TRRAP: variants seen among roughly 807,000 people sequenced by gnomAD.
TRRAP encodes the protein transformation/transcription domain-associated protein.
A neutral mutation model predicts 438.8 loss-of-function variants in TRRAP; 41 were observed. The ratio of observed to expected loss-of-function variants is 0.09; its 90% confidence interval spans 0.07 to 0.12. The LOEUF is 0.12. TRRAP is among the 10% of genes least tolerant of loss of function. The pLI, the probability that TRRAP is intolerant of heterozygous loss-of-function variation, is 1.00. For missense variants in TRRAP, 3,122 were observed against 5,055.1 expected, an observed-to-expected ratio of 0.62 and a Z score of 11.60; for synonymous variants, 1,994 against 1,962.9, an observed-to-expected ratio of 1.02 and a Z score of -0.42.
chr7:98,880,262 G>GTTTGT (rs1795361654), intron 1 of TRRAP, among the ~76,000 whole-genome samples: 2 of 132,110 alleles, frequency 1.5e-5, no homozygotes, highest in African/African-American at 2.9e-5. Context: ...TGTTGTTGTT[G>GTTTGT]TTTTTTTTTT....
chr7:98,897,640 C>A, intron 7 of TRRAP, 101 bp from the exon 8 acceptor site: 1 of 1,435,452 alleles, frequency 7.0e-7, no homozygotes, highest in East Asian at 2.4e-5. Flanking sequence ...TTTTTTCCAC[C>A]AAAGAGTCAA....
intron 6 of TRRAP, among the ~76,000 whole-genome samples, chr7:98,894,294 A>G (rs1796096980): frequency 1.3e-5 from 2 of 152,218 alleles, no homozygotes; most frequent in African/African-American, 4.8e-5. Flanking sequence ...AGTGACAATA[A>G]TCATAGTATG....
chr7:98,883,714 A>G (rs1344603412), intron 3 of TRRAP, among the ~76,000 whole-genome samples: 1 of 152,122 alleles, frequency 6.6e-6, no homozygotes, highest in Non-Finnish European at 1.5e-5. Flanking sequence ...CAGTTTCACC[A>G]TGTTGCCCAG....
rs772549634 is a variant in TRRAP at position 98,959,483 on chromosome 7, T to C, written c.6482T>C (p.Met2161Thr). The C allele has an allele frequency of 1.3e-4, 205 of 1,613,746 alleles. 8 individuals carry two copies. In the South Asian group the frequency reaches 2.0e-3, roughly 16 times the overall value. ...LKLQWFDKLL[M>T]TVEQPNQVNY... ...CTGCAGTGGTTCGACAAGCTGCTGA[T>C]GACTGTGGTGAGTGCGAGTGTCTGA... is the stretch of plus-strand genomic sequence containing the variant. The change falls in exon 45 of 73, where the codon ATG (methionine) becomes ACG (threonine). Residue 2161 changes from methionine to threonine, a missense_variant. Around this residue, in one of 24 missense-constraint regions of TRRAP, gnomAD observed 992 missense variants for 1,281.2 expected, o/e 0.77. Coordinates refer to ENST00000456197, the MANE Select transcript of TRRAP (RefSeq NM_001375524.1).
intron 44 of TRRAP, 86 bp downstream of exon 44, chr7:98,958,177 C>A: frequency 8.4e-7 from 1 of 1,184,100 alleles, no homozygotes; most frequent in South Asian, 1.5e-5. Flanking sequence ...GTGGCAATTT[C>A]ATCAAAAAAG....
At chr7:98,914,172 A>T (rs782657977) in intron 18 of TRRAP, among the ~76,000 whole-genome samples, 1 of 152,098 alleles carries the variant, frequency 6.6e-6, no homozygotes, top group Admixed American at 6.6e-5. Context: ...AGGCAGGAGG[A>T]TTGCTTGAGC....
At chr7:99,009,880 C>CTTTTT (rs138174570) in intron 70 of TRRAP, among the ~76,000 whole-genome samples, 56 of 96,650 alleles carry the variant, frequency 5.8e-4, no homozygotes, top group South Asian at 1.0e-3. Context: ...TCATTCTTCT[C>CTTTTT]TTTTTTTTTT....
intron 18 of TRRAP, among the ~76,000 whole-genome samples, chr7:98,913,367 G>C (rs1263161043): frequency 6.6e-6 from 1 of 151,638 alleles, no homozygotes; most frequent in Non-Finnish European, 1.5e-5. Flanking sequence ...TTGGCTCACT[G>C]CAACCTCTGC....
At position 98,937,803 on chromosome 7, in the gene TRRAP, T is replaced by C. The variant is rs1554414610; in HGVS notation, c.4387T>C (p.Phe1463Leu). The stretch of plus-strand genomic sequence containing the variant: ...CTTCCCAAATTCCTTCAATGATAAA[T>C]TTTGTGATCAGATGATGGTAAGCCA... ...RLFPNSFNDKFCDQMMQHLRK... is the reference protein window; with the variant it reads ...RLFPNSFNDKLCDQMMQHLRK... The change falls in exon 30 of 73, where the codon TTT becomes CTT. Residue 1463 changes from phenylalanine to leucine, a missense_variant. By Grantham distance (22) the Phe-to-Leu change is conservative. Around this residue, in one of 24 missense-constraint regions of TRRAP, gnomAD observed 108 missense variants for 256.9 expected, o/e 0.42. Coordinates refer to ENST00000456197, the MANE Select transcript of TRRAP (RefSeq NM_001375524.1). 3 of 1,612,916 alleles carry C rather than the reference T, an allele frequency of 1.9e-6. No homozygotes were observed.
intron 6 of TRRAP, among the ~76,000 whole-genome samples, chr7:98,894,783 G>GTTTTTTTTTTTTTT (rs56407045): frequency 3.3e-4 from 29 of 87,430 alleles, no homozygotes; most frequent in African/African-American, 1.1e-3. Context: ...CCAGCTAATG[G>GTTTTTTTTTTTTTT]TTTTTTTTTT....
rs1394845886 is a variant in TRRAP at position 98,930,033 on chromosome 7, A to G, written c.3220A>G (p.Thr1074Ala). 6.2e-7 allele frequency: 1 copy of G among 1,614,112 alleles called. No homozygotes were observed. Among genetic ancestry groups the G allele is most frequent in the Non-Finnish European group, 8.5e-7 (1 of 1,180,056 alleles). ...CTACCAGGTGGGCAGCCAGCCCAGC[A>G]CAGCCATGTTTCACAGTGAAGAAAA... ...PCYQVGSQPS[T>A]AMFHSEENGS... is the part of the protein sequence containing the mutation. Residue 1074 changes from threonine (T) to alanine (A), a missense_variant, in exon 24 of 73, where the codon ACA (threonine) becomes GCA (alanine). Physicochemically the swap from Thr to Ala is moderately conservative, Grantham distance 58. This residue lies in a region of TRRAP where 54 missense variants were observed against 74.6 expected (regional missense o/e 0.72). Coordinates refer to ENST00000456197, the MANE Select transcript of TRRAP (RefSeq NM_001375524.1).
At position 98,893,800 on chromosome 7, in the gene TRRAP, G is replaced by A. The variant is rs782049103; in HGVS notation, c.369G>A (p.Thr123=). The A allele has an allele frequency of 7.5e-6, 12 of 1,609,896 alleles. No homozygotes were observed. The South Asian group carries it at 7.8e-5, about 10-fold the overall frequency. Residue 123 remains threonine, a splice_region_variant and synonymous_variant, in exon 6 of 73, where the codon ACG becomes ACA. Transcript: ENST00000456197. ...VLSVMFRFLE[T]ENEENVLICL... ...TTTCATTAAATGCTTTTTTTTAGACGGAAAATGAAGAAAATGTTCTTATTT... is the reference window on the plus strand; with the variant it reads ...TTTCATTAAATGCTTTTTTTTAGACAGAAAATGAAGAAAATGTTCTTATTT...
At chr7:98,949,998 G>A (rs1390613994) in intron 37 of TRRAP, 66 bp from the exon 38 acceptor site, 1 of 1,601,120 alleles carries the variant, frequency 6.2e-7, no homozygotes, top group Non-Finnish European at 8.5e-7. Flanking sequence ...TTAAAGGCAA[G>A]TCAGAGGCGT....
rs1450970684 is a variant in TRRAP, at chr7:99,011,049, C to T, written c.10939-3C>T. On this transcript the variant is annotated splice_region_variant and splice_polypyrimidine_tract_variant and intron_variant, in intron 70 of 72. Coordinates refer to ENST00000456197, the MANE Select transcript of TRRAP (RefSeq NM_001375524.1). The surrounding 1 kb of genome is among the most constrained non-coding windows in gnomAD (Gnocchi z 7.1). The stretch of plus-strand genomic sequence containing the variant: ...GGGAGTGTCACGGAGCGCTGTGTTT[C>T]AGGTCCTCCGCGACATCCTCAAGGA... The T allele has an allele frequency of 6.2e-7, 1 of 1,612,386 alleles. No homozygotes were observed. Among genetic ancestry groups the T allele is most frequent in the African/African-American group, 1.3e-5 (1 of 74,880 alleles).
chr7:98,973,206 C>T (rs567689846), intron 53 of TRRAP, among the ~76,000 whole-genome samples: 58 of 152,300 alleles, frequency 3.8e-4, no homozygotes, highest in Middle Eastern at 3.4e-3. Flanking sequence ...TCTTGAACTC[C>T]TGACCTCAGG....
chr7:98,912,857 A>C (rs183710481), intron 18 of TRRAP, among the ~76,000 whole-genome samples: 17 of 152,212 alleles, frequency 1.1e-4, no homozygotes, highest in South Asian at 4.1e-4. Flanking sequence ...TCTTTATTGC[A>C]AGGTTGTTTG....
chr7:98,904,455 G>C (rs1554407206), intron 12 of TRRAP, among the ~76,000 whole-genome samples: 1 of 133,574 alleles, frequency 7.5e-6, no homozygotes, highest in South Asian at 2.3e-4. Context: ...CTGTACTCCA[G>C]CCTGGGCGAC....
Position 99,011,588 on chromosome 7 carries a change from C to T in TRRAP, c.11337+53C>T. On this transcript the variant is annotated intron_variant, in intron 72 of 72. Transcript: ENST00000456197. This position sits in a 1 kb window ranked among gnomAD's most constrained non-coding sequence, Gnocchi z 7.1. ...GCGCAGGCTAGAGCCACTCAGATGC[C>T]CGCGCGTCACGGCCTTGCAGGAGCT... is the stretch of plus-strand genomic sequence containing the variant. The T allele has an allele frequency of 6.4e-7, 1 of 1,570,238 alleles. No individual in the cohort carries two copies. Among genetic ancestry groups the T allele is most frequent in the Non-Finnish European group, 8.6e-7 (1 of 1,158,964 alleles).
chr7:98,909,007 G>T, intron 14 of TRRAP, 45 bp downstream of exon 14: 150 of 1,312,774 alleles, frequency 1.1e-4, no homozygotes, highest in Non-Finnish European at 1.5e-4. Flanking sequence ...ACTCTATCCT[G>T]TTTGTGGCTA....
Sources: allele counts gnomAD v4.1 joint callset (sites outside exome capture counted in the v4.1 genomes callset), GRCh38; gene constraint gnomAD v4.1.1; regional missense constraint gnomAD v4.1.1; non-coding constraint Gnocchi (gnomAD v3.1); transcripts MANE v1.5; gene names NCBI Gene and HGNC (gene_info 2026-07-23, HGNC 2026-07-21).